Variants in CFAP99 observed in about 807,000 individuals in gnomAD.
CFAP99 encodes cilia and flagella associated protein 99, also known as cilia- and flagella-associated protein 99.
Under a neutral mutation model 82.7 loss-of-function variants are expected in CFAP99, and 84 were observed. That is an observed-to-expected ratio of 1.02 (90% CI 0.85 to 1.22). The LOEUF (loss-of-function observed/expected upper bound fraction) is 1.22. Ranked by LOEUF, CFAP99 falls within the 50% of genes most tolerant of loss-of-function variation. The probability of loss-of-function intolerance (pLI) is 0.00; values close to 1 mark genes in which losing one functional copy is unlikely to be tolerated. For missense variants in CFAP99, 1,059 were observed against 983.5 expected, an observed-to-expected ratio of 1.08 and a Z score of -1.03; for synonymous variants, 456 against 429.5, an observed-to-expected ratio of 1.06 and a Z score of -0.76.
At chr4:2,434,983 C>T (rs1467614763) in intron 2 of CFAP99, among the ~76,000 whole-genome samples, 3 of 152,058 alleles carry the variant, frequency 2.0e-5, no homozygotes, top group Admixed American at 6.5e-5. Flanking sequence ...TAGCTGGTTA[C>T]CCTGTTATCT....
Position 2,448,685 on chromosome 4 carries a change from C to A in CFAP99, c.643-985C>A, listed in dbSNP as rs1323923585. 6.6e-6 allele frequency among the ~76,000 whole-genome samples: 1 copy of A among 152,218 alleles called. No homozygotes were observed. The highest frequency in any genetic ancestry group is 2.4e-5 in the African/African-American group (1 of 41,446). On this transcript the variant is annotated intron_variant, in intron 6 of 14. Transcript: ENST00000635017. The surrounding 1 kb of genome is among the most constrained non-coding windows in gnomAD (Gnocchi z 5.2). ...GCAGGCAAAGGCCCTGGGGCAGTGC[C>A]CACCCTCCCTCAAGTGTTTGAGGGT...
At chr4:2,434,213 G>A (rs1733862141) in intron 2 of CFAP99, among the ~76,000 whole-genome samples, 1 of 152,218 alleles carries the variant, frequency 6.6e-6, no homozygotes, top group South Asian at 2.1e-4. Context: ...AGCGGCAGCA[G>A]GATCGAGGTT....
chr4:2,456,437 G>A (rs1734436047), intron 11 of CFAP99, among the ~76,000 whole-genome samples: 1 of 152,120 alleles, frequency 6.6e-6, no homozygotes, highest in African/African-American at 2.4e-5. Flanking sequence ...GGCACTTTGG[G>A]AGGCCAAGGC....
At chr4:2,429,871 A>G (rs370247213) in intron 2 of CFAP99, among the ~76,000 whole-genome samples, 4 of 152,224 alleles carry the variant, frequency 2.6e-5, no homozygotes, top group Admixed American at 6.5e-5. Context: ...GATTACAGGC[A>G]TGAGCCACTG....
chr4:2,426,315 G>A (rs975547337), intron 1 of CFAP99, 144 bp from the exon 2 acceptor site: 20 of 581,448 alleles, frequency 3.4e-5, no homozygotes, highest in Middle Eastern at 4.3e-4. Context: ...CTGTAGGCCC[G>A]GCACCCTAGC....
chr4:2,434,982 A>G (rs1236836079), intron 2 of CFAP99, among the ~76,000 whole-genome samples: 1 of 152,050 alleles, frequency 6.6e-6, no homozygotes, highest in Non-Finnish European at 1.5e-5. Context: ...TTAGCTGGTT[A>G]CCCTGTTATC....
intron 2 of CFAP99, among the ~76,000 whole-genome samples, chr4:2,431,196 G>A (rs908945040): frequency 1.0e-4 from 15 of 149,958 alleles, no homozygotes; most frequent in East Asian, 8.1e-4. Context: ...GTGAAACCCC[G>A]TTTCTACTAA....
At position 2,431,968 on chromosome 4, in the gene CFAP99, C is replaced by T. The variant is rs530381605; in HGVS notation, c.112-4906C>T. On this transcript the variant is annotated intron_variant, in intron 2 of 14. Transcript: ENST00000635017. ...TGTATTTCACTTTGAACCATCTGTT[C>T]GGACCGGTGTCTGTTAGGAAACTGT... Among the ~76,000 whole-genome samples the T allele has an allele frequency of 3.3e-5, 5 of 152,270 alleles. No homozygotes were observed. The East Asian group carries it at 7.7e-4, about 23-fold the overall frequency.
At chr4:2,420,060 C>T (rs1733530073) in intron 1 of CFAP99, among the ~76,000 whole-genome samples, 1 of 151,948 alleles carries the variant, frequency 6.6e-6, no homozygotes, top group Non-Finnish European at 1.5e-5. Flanking sequence ...TGTGCCCTCT[C>T]CGTGACACAG....
chr4:2,436,561 C>T (rs138707364), intron 2 of CFAP99, among the ~76,000 whole-genome samples: 4 of 152,354 alleles, frequency 2.6e-5, no homozygotes, highest in East Asian at 3.9e-4. Context: ...GCACTCTCTG[C>T]TCTGCCTGGA....
At chr4:2,458,286 G>A (rs894907893) in intron 11 of CFAP99, among the ~76,000 whole-genome samples, 1 of 152,186 alleles carries the variant, frequency 6.6e-6, no homozygotes, top group South Asian at 2.1e-4. Context: ...AACTTTTAAA[G>A]TAATTTTTTA....
intron 8 of CFAP99, 78 bp downstream of exon 8, chr4:2,450,083 C>T (rs751925461): frequency 5.1e-6 from 7 of 1,372,696 alleles, no homozygotes; most frequent in Non-Finnish European, 7.0e-6. Context: ...CCAACGCCAT[C>T]GCAGTGACCA....
intron 2 of CFAP99, among the ~76,000 whole-genome samples, chr4:2,433,629 G>A (rs1300565370): frequency 1.3e-5 from 2 of 152,130 alleles, no homozygotes; most frequent in Admixed American, 6.5e-5. Context: ...CTGGGTCCCC[G>A]CGATCTATGT....
rs1317303316 is a variant in CFAP99 at position 2,462,349 on chromosome 4, C to G, written c.1662-94C>G. On this transcript the variant is annotated intron_variant, in intron 14 of 14. Coordinates refer to ENST00000635017, the Ensembl canonical transcript of CFAP99. This position sits in a 1 kb window ranked among gnomAD's most constrained non-coding sequence, Gnocchi z 4.1. ...GGTGAACCTCTCCGGCTGCGTAGCTCCTTGCCCCCGCGTCGCTTGGACACG... is the reference window on the plus strand; with the variant it reads ...GGTGAACCTCTCCGGCTGCGTAGCTGCTTGCCCCCGCGTCGCTTGGACACG... 9 of 1,253,216 alleles carry G rather than the reference C, an allele frequency of 7.2e-6. No homozygotes were observed. The Admixed American group carries it at 1.2e-4, about 17-fold the overall frequency. The allele number at this position is 1,253,216 out of a possible 1,614,324, so 77.6% of individuals were successfully genotyped here. A position where few individuals can be genotyped will look rare whatever the true frequency, so the allele number is the denominator to read the frequency against.
chr4:2,453,610 C>T (rs1482257593), intron 11 of CFAP99, among the ~76,000 whole-genome samples: 1 of 151,902 alleles, frequency 6.6e-6, no homozygotes, highest in Non-Finnish European at 1.5e-5. Flanking sequence ...ATTTGCATCT[C>T]ATTTATTTAT....
At chr4:2,440,473 G>A (rs1011242858) in intron 4 of CFAP99, among the ~76,000 whole-genome samples, 66 of 145,696 alleles carry the variant, frequency 4.5e-4, no homozygotes, top group Non-Finnish European at 7.5e-4. Context: ...CTGAACAGGC[G>A]GGGCATGGTG....
In CFAP99 at chr4:2,449,662, T is replaced by G; in HGVS notation, c.643-8T>G. The stretch of plus-strand genomic sequence containing the variant: ...GACCATAGGCTCTTCCTCCCACCAC[T>G]TCAGCAGGTCCCCCAGAGCACCTAC... On this transcript the variant is annotated splice_region_variant and splice_polypyrimidine_tract_variant and intron_variant, in intron 6 of 14. Transcript: ENST00000635017. 1 of 1,535,926 alleles carries G rather than the reference T, an allele frequency of 6.5e-7. No homozygotes were observed. Among genetic ancestry groups the G allele is most frequent in the Non-Finnish European group, 8.7e-7 (1 of 1,146,824 alleles).
chr4:2,459,224 C>T (rs1734516166), exon 13 of CFAP99: 3 of 1,535,470 alleles, frequency 2.0e-6, no homozygotes, highest in African/African-American at 1.4e-5. Context: ...GAGACACAGC[C>T]CACGCGCAAG....
chr4:2,459,317 TGA>T, intron 13 of CFAP99, 59 bp downstream of exon 13: 1 of 1,459,728 alleles, frequency 6.9e-7, no homozygotes, highest in Non-Finnish European at 9.1e-7. Flanking sequence ...GGCACTGCCA[TGA>T]GAGGCAGTTT....
Sources: gnomAD v4.1 joint callset for allele counts (sites outside exome capture counted in the v4.1 genomes callset) on GRCh38, gnomAD v4.1.1 for gene constraint, Gnocchi (gnomAD v3.1) non-coding constraint, MANE v1.5 for transcripts, NCBI Gene and HGNC (gene_info 2026-07-23, HGNC 2026-07-21) for gene names.